DNER: variants seen among roughly 807,000 people sequenced by gnomAD.
DNER encodes the protein delta and Notch-like epidermal growth factor-related receptor.
Under a neutral mutation model 78.2 loss-of-function variants are expected in DNER, and 33 were observed. That is an observed-to-expected ratio of 0.42 (90% CI 0.32 to 0.56). DNER has a LOEUF of 0.56. Ranked by LOEUF, DNER falls within the 20% of genes least tolerant of loss-of-function variation. DNER has a pLI of 0.11. For missense variants in DNER, 918 were observed against 975.3 expected (o/e 0.94, Z 0.78); for synonymous variants, 417 against 384.8 (o/e 1.08, Z -0.98).
chr2:229,684,745 A>G (rs1009353943), intron 1 of DNER, among the ~76,000 whole-genome samples: 3 of 152,214 alleles, frequency 2.0e-5, no homozygotes, highest in Non-Finnish European at 2.9e-5. Flanking sequence ...ACCTGGCTGT[A>G]CTTTCTACCA....
chr2:229,376,043 A>C (rs207651), intron 11 of DNER, among the ~76,000 whole-genome samples: 98,004 of 152,022 alleles, frequency 0.64, 32,235 homozygotes, highest in East Asian at 0.91. Context: ...GAAGAAGGTG[A>C]CTTGCTTCCC....
intron 8 of DNER, among the ~76,000 whole-genome samples, chr2:229,445,936 A>G (rs1252471019): frequency 6.6e-6 from 1 of 152,226 alleles, no homozygotes; most frequent in Non-Finnish European, 1.5e-5. Context: ...TTAAGAGTCT[A>G]TGTGAAAAAA....
chr2:229,603,932 TC>T (rs780572112), intron 1 of DNER, among the ~76,000 whole-genome samples: 2 of 152,260 alleles, frequency 1.3e-5, no homozygotes, highest in East Asian at 3.9e-4. Flanking sequence ...ACCATAAGGT[TC>T]CTTCCTGATT....
rs1203058743 is a variant in DNER at position 229,714,231 on chromosome 2, G to T, written c.193C>A (p.Pro65Thr). The T allele has an allele frequency of 1.6e-5, 22 of 1,410,162 alleles. No individual in the cohort carries two copies. The highest frequency in any genetic ancestry group is 1.9e-5 in the Non-Finnish European group (21 of 1,084,430). The allele number at this position is 1,410,162 out of a possible 1,614,324, so 87.4% of individuals were successfully genotyped here. The part of the protein sequence containing the change: ...NGGVCTSRPE[P>T]DPQHPAPAGE... ...GCGGGGGCCGGGTGCTGCGGGTCCG[G>T]CTCAGGGCGCGAGGTGCACACACCC... Residue 65 changes from proline (P) to threonine (T), a missense_variant, in exon 1 of 13, where the codon CCG (proline) becomes ACG (threonine). Transcript: ENST00000341772.
chr2:229,442,234 C>G (rs1390912429), intron 8 of DNER, among the ~76,000 whole-genome samples: 1 of 152,102 alleles, frequency 6.6e-6, no homozygotes, highest in Non-Finnish European at 1.5e-5. Flanking sequence ...ATGCCTTCAT[C>G]GGCCGGGAGC....
At chr2:229,363,985 CTTT>C (rs10600729) in intron 12 of DNER, among the ~76,000 whole-genome samples, 7 of 77,808 alleles carry the variant, frequency 9.0e-5, no homozygotes, top group African/African-American at 3.1e-4. Context: ...CAATTCTCTG[CTTT>C]TTTTTTTTTT....
intron 6 of DNER, among the ~76,000 whole-genome samples, chr2:229,501,169 A>G (rs1695613663): frequency 6.6e-6 from 1 of 151,984 alleles, no homozygotes; most frequent in Non-Finnish European, 1.5e-5. Context: ...TTAAAAGAGT[A>G]CCTAGGTTGG....
intron 3 of DNER, among the ~76,000 whole-genome samples, chr2:229,587,428 C>T (rs1034631038): frequency 1.3e-5 from 2 of 152,176 alleles, no homozygotes; most frequent in Non-Finnish European, 2.9e-5. Context: ...TGTGGTGACC[C>T]AGGGTGCAAG....
At chr2:229,527,197 T>A (rs775329082) in intron 5 of DNER, among the ~76,000 whole-genome samples, 3 of 152,196 alleles carry the variant, frequency 2.0e-5, no homozygotes, top group Non-Finnish European at 4.4e-5. Flanking sequence ...CTTAGCCTGG[T>A]TTATTTGGCA....
intron 11 of DNER, among the ~76,000 whole-genome samples, chr2:229,375,515 T>C (rs543506396): frequency 6.6e-6 from 1 of 152,320 alleles, no homozygotes; most frequent in East Asian, 1.9e-4. Flanking sequence ...ATTCCTGGTG[T>C]TCCAAGTATG....
chr2:229,401,065 C>T (rs886333558), intron 10 of DNER, among the ~76,000 whole-genome samples: 5 of 151,976 alleles, frequency 3.3e-5, no homozygotes, highest in Non-Finnish European at 7.4e-5. Flanking sequence ...CAAATAAGCA[C>T]AGGAAAAGAT....
intron 5 of DNER, among the ~76,000 whole-genome samples, chr2:229,514,368 C>G (rs1695929247): frequency 6.6e-6 from 1 of 152,104 alleles, no homozygotes; most frequent in African/African-American, 2.4e-5. Context: ...CTTTTCTTCT[C>G]CAGTTCTCAA....
chr2:229,543,363 C>T (rs1696554927), intron 5 of DNER, among the ~76,000 whole-genome samples: 1 of 152,096 alleles, frequency 6.6e-6, no homozygotes, highest in African/African-American at 2.4e-5. Context: ...TTGAAGCTTC[C>T]AGGCAGAGCC....
chr2:229,368,005 A>C (rs1692389749), intron 11 of DNER, among the ~76,000 whole-genome samples: 3 of 152,216 alleles, frequency 2.0e-5, no homozygotes, highest in Admixed American at 1.3e-4. Context: ...CTCACTGCTC[A>C]GTTAATAATG....
intron 11 of DNER, among the ~76,000 whole-genome samples, chr2:229,381,590 G>C (rs140006749): frequency 0.029 from 4,465 of 152,180 alleles, 97 homozygotes; most frequent in African/African-American, 0.06. Flanking sequence ...AGCTTGGTGG[G>C]GGGAGGGGCG....
At chr2:229,492,601 C>A (rs1436600325) in intron 6 of DNER, among the ~76,000 whole-genome samples, 1 of 152,172 alleles carries the variant, frequency 6.6e-6, no homozygotes, top group Non-Finnish European at 1.5e-5. Context: ...GTCAATATTG[C>A]TTCCATGCTT....
intron 4 of DNER, among the ~76,000 whole-genome samples, chr2:229,585,374 GT>G (rs1304440299): frequency 2.0e-5 from 3 of 152,112 alleles, no homozygotes; most frequent in African/African-American, 7.2e-5. Context: ...GAAATATTAT[GT>G]TAGGGCCAGG....
intron 12 of DNER, among the ~76,000 whole-genome samples, chr2:229,359,853 C>T (rs1280417845): frequency 6.6e-6 from 1 of 152,208 alleles, no homozygotes; most frequent in Non-Finnish European, 1.5e-5. Context: ...CCTTGAAGAG[C>T]ACAAAGGCAT....
At chr2:229,496,336 A>G (rs1368578231) in intron 6 of DNER, among the ~76,000 whole-genome samples, 3 of 152,242 alleles carry the variant, frequency 2.0e-5, no homozygotes, top group Admixed American at 6.5e-5. Flanking sequence ...CATGTATATG[A>G]CTTCATTAAT....
Sources: allele counts gnomAD v4.1 joint callset (sites outside exome capture counted in the v4.1 genomes callset), GRCh38; gene constraint gnomAD v4.1.1; transcripts MANE v1.5; gene names NCBI Gene and HGNC (gene_info 2026-07-23, HGNC 2026-07-21).